The following RBFOX3 variants were observed in gnomAD, a reference collection of about 807,000 sequenced individuals.
RBFOX3 encodes RNA binding fox-1 homolog 3.
In RBFOX3, 17 loss-of-function variants were observed where a neutral mutation model predicts 48.7. The observed-to-expected ratio is 0.35, with a 90% CI of 0.24 to 0.52. The LOEUF is 0.52. Ranked by LOEUF, RBFOX3 falls within the 20% of genes least tolerant of loss-of-function variation. The pLI, the probability that RBFOX3 is intolerant of heterozygous loss-of-function variation, is 0.94. For missense variants in RBFOX3, 382 were observed against 497.5 expected, an observed-to-expected ratio of 0.77 and a Z score of 2.21; for synonymous variants, 212 against 209.5, an observed-to-expected ratio of 1.01 and a Z score of -0.10.
Position 79,254,031 on chromosome 17 carries a change from G to A in RBFOX3, c.-73-18226C>T, listed in dbSNP as rs1032950700. ...AGCCTCTGAGGGCGGGTATGGGAGG[G>A]AGCCTTCTCCCCAGCTGGTGGCAGG... is the stretch of plus-strand genomic sequence containing the variant. On this transcript the variant is annotated intron_variant, in intron 3 of 14. Transcript: ENST00000693108. The surrounding 1 kb of genome is among the most constrained non-coding windows in gnomAD (Gnocchi z 4.8). 2.0e-5 allele frequency among the ~76,000 whole-genome samples: 3 copies of A among 152,158 alleles called. No homozygotes were observed. Among genetic ancestry groups the A allele is most frequent in the African/African-American group, 7.2e-5 (3 of 41,434 alleles).
At chr17:79,168,525 C>A (rs2048483363) in intron 4 of RBFOX3, among the ~76,000 whole-genome samples, 1 of 152,260 alleles carries the variant, frequency 6.6e-6, no homozygotes, top group Admixed American at 6.5e-5. Context: ...TGTCCTGTGG[C>A]CCCCTGACCC....
chr17:79,447,044 G>C (rs2072470703), intron 2 of RBFOX3, among the ~76,000 whole-genome samples: 2 of 152,232 alleles, frequency 1.3e-5, no homozygotes, highest in Admixed American at 6.5e-5. Flanking sequence ...GTGTCAACCT[G>C]GGCCTCCCTT....
intron 2 of RBFOX3, among the ~76,000 whole-genome samples, chr17:79,380,760 C>G (rs547683087): frequency 6.6e-6 from 1 of 152,124 alleles, no homozygotes; most frequent in Admixed American, 6.6e-5. Flanking sequence ...GTTCTACCTG[C>G]GTGCTCTGGT....
intron 2 of RBFOX3, among the ~76,000 whole-genome samples, chr17:79,458,494 C>T (rs925918563): frequency 2.0e-5 from 3 of 152,138 alleles, no homozygotes; most frequent in Non-Finnish European, 4.4e-5. Context: ...ATATGTAGCT[C>T]TTTGCCATGT....
intron 1 of RBFOX3, among the ~76,000 whole-genome samples, chr17:79,591,391 G>A (rs1295920446): frequency 1.3e-5 from 2 of 152,144 alleles, no homozygotes; most frequent in African/African-American, 4.8e-5. Context: ...CCATGGCCAG[G>A]ACCAATCCTG....
In RBFOX3 at chr17:79,415,335, G is replaced by A. The variant is rs561173140; in HGVS notation, c.-175+67119C>T. ...CTGAGTGATCCCCACATGAAGTGTGGGGCTAAATACTCCAAGGTCCATTTT... is the reference window on the plus strand; with the variant it reads ...CTGAGTGATCCCCACATGAAGTGTGAGGCTAAATACTCCAAGGTCCATTTT... On this transcript the variant is annotated intron_variant, in intron 2 of 14. Coordinates refer to ENST00000693108, the MANE Select transcript of RBFOX3 (RefSeq NM_001350451.2). Among the ~76,000 whole-genome samples the A allele has an allele frequency of 7.0e-4, 106 of 152,314 alleles. 1 individual carries two copies. Among genetic ancestry groups the A allele is most frequent in the African/African-American group, 2.4e-3 (101 of 41,558 alleles).
At chr17:79,372,469 G>A (rs1188846573) in intron 2 of RBFOX3, among the ~76,000 whole-genome samples, 1 of 146,892 alleles carries the variant, frequency 6.8e-6, no homozygotes, top group Admixed American at 7.0e-5. Context: ...TGGACTTATG[G>A]GCCAGTCCAT....
intron 3 of RBFOX3, among the ~76,000 whole-genome samples, chr17:79,275,452 T>TCC (rs35312058): frequency 6.6e-6 from 1 of 150,804 alleles, no homozygotes; most frequent in Non-Finnish European, 1.5e-5. Context: ...GGACTAATGG[T>TCC]CCCCCCCCAA....
At chr17:79,640,005 A>C in the RBFOX3 span, among the ~76,000 whole-genome samples, 1 of 152,230 alleles carries the variant, frequency 6.6e-6, no homozygotes, top group Non-Finnish European at 1.5e-5. Flanking sequence ...AAATAAAAGC[A>C]TCCAAATCAG....
At chr17:79,172,813 T>C (rs1298774696) in intron 4 of RBFOX3, among the ~76,000 whole-genome samples, 2 of 152,234 alleles carry the variant, frequency 1.3e-5, no homozygotes, top group African/African-American at 2.4e-5. Context: ...TCTCTCATAG[T>C]TTATCTCATC....
In RBFOX3 at chr17:79,095,698, C is replaced by T. The variant is rs1319743804; in HGVS notation, c.937-124G>A. On this transcript the variant is annotated intron_variant, in intron 12 of 14. Coordinates refer to ENST00000693108, the MANE Select transcript of RBFOX3 (RefSeq NM_001350451.2). ...CCCTGGGAGGGACTACAGACCTTCCCAGCCTCCCAGCCTCGGCTGGGTAAG... is the reference window on the plus strand; with the variant it reads ...CCCTGGGAGGGACTACAGACCTTCCTAGCCTCCCAGCCTCGGCTGGGTAAG... 4 of 760,450 alleles carry T rather than the reference C, an allele frequency of 5.3e-6. No individual in the cohort carries two copies. In the South Asian group the frequency reaches 7.4e-5, roughly 14 times the overall value. The allele number at this position is 760,450 out of a possible 1,614,324, so 47.1% of individuals were successfully genotyped here.
At chr17:79,280,384 G>A (rs1340125378) in intron 3 of RBFOX3, among the ~76,000 whole-genome samples, 1 of 152,200 alleles carries the variant, frequency 6.6e-6, no homozygotes, top group Non-Finnish European at 1.5e-5. Flanking sequence ...GACTGTCTGT[G>A]TGAGATGGAG....
At chr17:79,365,746 C>T (rs1039589114) in intron 2 of RBFOX3, among the ~76,000 whole-genome samples, 5 of 152,230 alleles carry the variant, frequency 3.3e-5, no homozygotes, top group Admixed American at 2.0e-4. Context: ...TCTATGGGGA[C>T]GCTGCTATCT....
chr17:79,288,161 C>T (rs1464965097), intron 3 of RBFOX3, among the ~76,000 whole-genome samples: 2 of 152,124 alleles, frequency 1.3e-5, no homozygotes, highest in African/African-American at 4.8e-5. Flanking sequence ...GGGCCTCAGC[C>T]CTGCTCCCAC....
intron 2 of RBFOX3, among the ~76,000 whole-genome samples, chr17:79,414,369 T>G (rs2148637002): frequency 6.6e-6 from 1 of 152,302 alleles, no homozygotes; most frequent in Non-Finnish European, 1.5e-5. Flanking sequence ...CACATTATTA[T>G]TACTTTTTAA....
intron 1 of RBFOX3, among the ~76,000 whole-genome samples, chr17:79,593,583 CT>C (rs2093483783): frequency 6.6e-6 from 1 of 152,236 alleles, no homozygotes; most frequent in South Asian, 2.1e-4. Flanking sequence ...GGAATCCTTT[CT>C]TAATTCAATG....
At chr17:79,642,507 C>T in the RBFOX3 span, among the ~76,000 whole-genome samples, 8 of 151,982 alleles carry the variant, frequency 5.3e-5, no homozygotes, top group Admixed American at 4.6e-4. Flanking sequence ...AAGTATACCT[C>T]CATAAAGCTA....
At chr17:79,274,820 G>A (rs958803183) in intron 3 of RBFOX3, among the ~76,000 whole-genome samples, 5 of 151,952 alleles carry the variant, frequency 3.3e-5, no homozygotes, top group Non-Finnish European at 5.9e-5. Flanking sequence ...CCCTGACCAC[G>A]GTCCCGCCAG....
intron 2 of RBFOX3, among the ~76,000 whole-genome samples, chr17:79,382,195 G>C (rs1053798108): frequency 1.3e-5 from 2 of 152,196 alleles, no homozygotes; most frequent in Non-Finnish European, 2.9e-5. Context: ...CACCCAACGG[G>C]AGACGATGGT....
Sources: allele counts gnomAD v4.1 joint callset (sites outside exome capture counted in the v4.1 genomes callset), GRCh38; gene constraint gnomAD v4.1.1; non-coding constraint Gnocchi (gnomAD v3.1); transcripts MANE v1.5; gene names NCBI Gene and HGNC (gene_info 2026-07-23, HGNC 2026-07-21).